Variants in DAAM1 observed in about 807,000 individuals in gnomAD.
The protein encoded by DAAM1 is disheveled-associated activator of morphogenesis 1.
DAAM1 carries 52 observed loss-of-function variants against 130.0 expected under a neutral mutation model. That is an observed-to-expected ratio of 0.40 (90% confidence interval 0.32 to 0.50). DAAM1 has a LOEUF of 0.50. Ranked by LOEUF, DAAM1 falls within the 20% of genes least tolerant of loss-of-function variation. The pLI is 0.61. For synonymous variants in DAAM1, 452 were observed against 444.5 expected (o/e 1.02, Z -0.21); for missense variants, 1,134 against 1,303.8 (o/e 0.87, Z 2.01).
rs1884618420 is a variant in DAAM1, at chr14:59,312,028, T to C, written c.274-3252T>C. 5.9e-5 allele frequency among the ~76,000 whole-genome samples: 9 copies of C among 152,190 alleles called. No homozygotes were observed. The South Asian group carries it at 1.9e-3, about 32-fold the overall frequency. On this transcript the variant is annotated intron_variant, in intron 3 of 24. Coordinates refer to ENST00000360909, the MANE Select transcript of DAAM1 (RefSeq NM_001270520.2). ...TCTATATATTTATTCCCCTTTGTAT[T>C]GTTTGTTAATTCAAACAGTGCTATA...
intron 15 of DAAM1, among the ~76,000 whole-genome samples, chr14:59,333,011 G>A (rs1053680258): frequency 1.3e-5 from 2 of 152,040 alleles, no homozygotes; most frequent in African/African-American, 2.4e-5. Flanking sequence ...GAGTGTATCA[G>A]AAAAGAAATA....
chr14:59,284,983 T>C (rs1883378320), intron 2 of DAAM1, among the ~76,000 whole-genome samples: 2 of 151,926 alleles, frequency 1.3e-5, no homozygotes, highest in African/African-American at 4.8e-5. Context: ...CTATGCAGGG[T>C]AACCATCCCT....
Position 59,346,695 on chromosome 14 carries a change from T to C in DAAM1, c.2076-844T>C, listed in dbSNP as rs576886528. ...GCTAATAATGTGATCAAGATTTTTT[T>C]CCCCTGGGTAAGACTATTGTTATAT... is the stretch of plus-strand genomic sequence containing the variant. On this transcript the variant is annotated intron_variant, in intron 16 of 24. Coordinates refer to ENST00000360909, the MANE Select transcript of DAAM1 (RefSeq NM_001270520.2). 4.6e-5 allele frequency among the ~76,000 whole-genome samples: 7 copies of C among 152,340 alleles called. No individual in the cohort carries two copies. The East Asian group carries it at 1.2e-3, about 25-fold the overall frequency.
At chr14:59,329,622 A>G (rs533473023) in intron 12 of DAAM1, among the ~76,000 whole-genome samples, 155 of 152,324 alleles carry the variant, frequency 1.0e-3, no homozygotes, top group Non-Finnish European at 1.8e-3. Context: ...GGAATTGGGG[A>G]CATGTATTTG....
chr14:59,349,488 A>T (rs1281809520), intron 17 of DAAM1, among the ~76,000 whole-genome samples: 1 of 152,214 alleles, frequency 6.6e-6, no homozygotes, highest in East Asian at 1.9e-4. Flanking sequence ...CTCTCTGGTC[A>T]TCTCCCACGC....
At chr14:59,202,527 A>C (rs995287430) in intron 1 of DAAM1, among the ~76,000 whole-genome samples, 8 of 152,350 alleles carry the variant, frequency 5.3e-5, no homozygotes, top group African/African-American at 1.7e-4. Context: ...GCCATTTAAA[A>C]AATGTTTTTA....
Position 59,326,634 on chromosome 14 carries a change from G to A in DAAM1, c.1299G>A (p.Lys433=), listed in dbSNP as rs1211663067. 1.9e-6 allele frequency: 3 copies of A among 1,612,728 alleles called. No homozygotes were observed. Among genetic ancestry groups the A allele is most frequent in the South Asian group, 1.1e-5 (1 of 90,592 alleles). The change falls in exon 11 of 25, where the codon AAG becomes AAA. Residue 433 remains lysine (K), a synonymous_variant. Transcript: ENST00000360909. ...CACCTTTGGAAAACTTTAATATTAA[G>A]AATGTCGTACGAATGTAAGTCTCTT... ...DSTPLENFNI[K]NVVRMLVNEN...
chr14:59,313,120 CTA>C (rs1884654878), intron 3 of DAAM1, among the ~76,000 whole-genome samples: 2 of 152,182 alleles, frequency 1.3e-5, no homozygotes, highest in Admixed American at 6.5e-5. Context: ...TCCTTCTGGC[CTA>C]TGTTTCTACA....
intron 1 of DAAM1, among the ~76,000 whole-genome samples, chr14:59,258,205 G>T (rs1326515429): frequency 2.0e-5 from 3 of 152,184 alleles, no homozygotes; most frequent in African/African-American, 7.2e-5. Context: ...ATGATGAAAT[G>T]GATGGATATG....
At chr14:59,248,375 G>C (rs1881491163) in intron 1 of DAAM1, among the ~76,000 whole-genome samples, 1 of 151,964 alleles carries the variant, frequency 6.6e-6, no homozygotes, top group South Asian at 2.1e-4. Context: ...CTTAAGTAAA[G>C]AGTGTAGTAA....
rs558227792 is a variant in DAAM1 at position 59,342,116 on chromosome 14, G to T, written c.2075+1936G>T. ...ACACTTTTGAGGTGACTTAGAACTT[G>T]AATGTATCTAAACTCTCTTAAGACA... On this transcript the variant is annotated intron_variant, in intron 16 of 24. Coordinates refer to ENST00000360909, the MANE Select transcript of DAAM1 (RefSeq NM_001270520.2). Among the ~76,000 whole-genome samples, 5 of 152,310 alleles carry T rather than the reference G, an allele frequency of 3.3e-5. No individual in the cohort carries two copies. The South Asian group carries it at 6.2e-4, about 19-fold the overall frequency.
intron 1 of DAAM1, among the ~76,000 whole-genome samples, chr14:59,209,283 T>G (rs1226057046): frequency 6.6e-6 from 1 of 152,200 alleles, no homozygotes; most frequent in African/African-American, 2.4e-5. Context: ...TTATGAACCT[T>G]ATGATTCTTC....
intron 2 of DAAM1, among the ~76,000 whole-genome samples, chr14:59,272,606 TATAC>T (rs772231721): frequency 1.9e-4 from 18 of 96,420 alleles, no homozygotes; most frequent in Middle Eastern, 4.1e-3. Context: ...AATATATATA[TATAC>T]ACACACACAC....
intron 1 of DAAM1, among the ~76,000 whole-genome samples, chr14:59,205,061 A>G (rs982608179): frequency 3.9e-5 from 6 of 152,248 alleles, no homozygotes; most frequent in African/African-American, 1.4e-4. Context: ...TTTCCTACTC[A>G]TATACATAGA....
chr14:59,301,016 T>A (rs1173176855), intron 3 of DAAM1, among the ~76,000 whole-genome samples: 1 of 152,228 alleles, frequency 6.6e-6, no homozygotes, highest in Non-Finnish European at 1.5e-5. Context: ...CTTTAATTGC[T>A]CTTCAAAGTG....
At chr14:59,249,203 T>C (rs17093311) in intron 1 of DAAM1, among the ~76,000 whole-genome samples, 12,370 of 152,254 alleles carry the variant, frequency 0.081, 1,056 homozygotes, top group African/African-American at 0.21. Context: ...TGTAATTCAA[T>C]TGCCAAAGGA....
intron 1 of DAAM1, among the ~76,000 whole-genome samples, chr14:59,242,192 A>G (rs1881155655): frequency 6.6e-6 from 1 of 152,168 alleles, no homozygotes; most frequent in Non-Finnish European, 1.5e-5. Flanking sequence ...TTTTCCAGCT[A>G]TCCCACATTT....
At chr14:59,327,476 C>T (rs1274903387) in intron 12 of DAAM1, among the ~76,000 whole-genome samples, 4 of 135,786 alleles carry the variant, frequency 2.9e-5, no homozygotes, top group South Asian at 2.4e-4. Context: ...GGCGCCATCT[C>T]GGCTCACTGC....
rs563474426 is a variant in DAAM1 at position 59,320,358 on chromosome 14, C to A, written c.346-132C>A. 539 of 721,490 alleles carry A rather than the reference C, an allele frequency of 7.5e-4. 6 individuals are homozygous for A. In the South Asian group the frequency reaches 0.012, roughly 16 times the overall value. The allele number at this position is 721,490 out of a possible 1,614,324, so 44.7% of individuals were successfully genotyped here. On this transcript the variant is annotated intron_variant, in intron 4 of 24. Transcript: ENST00000360909. Reference sequence around the variant, plus strand: ...AAGGCTTTATTTAAAATTTGAAAGACTTAACTTACTTAATCATAGATTTGT... The same window carrying A: ...AAGGCTTTATTTAAAATTTGAAAGAATTAACTTACTTAATCATAGATTTGT...
Sources: gnomAD v4.1 joint callset for allele counts (sites outside exome capture counted in the v4.1 genomes callset) on GRCh38, gnomAD v4.1.1 for gene constraint, MANE v1.5 for transcripts, NCBI Gene and HGNC (gene_info 2026-07-23, HGNC 2026-07-21) for gene names.